LAMA4: variants seen among roughly 807,000 people sequenced by gnomAD.
LAMA4 encodes the protein laminin subunit alpha 4.
In LAMA4, 127 loss-of-function variants were observed where a neutral mutation model predicts 207.1. The observed-to-expected ratio is 0.61, with a 90% confidence interval of 0.53 to 0.71. The LOEUF (loss-of-function observed/expected upper bound fraction) is 0.71. Among genes scored for constraint, LAMA4 ranks in the 30% least tolerant of loss-of-function variants. The pLI is 0.00. For synonymous variants in LAMA4, 761 were observed against 816.0 expected, an observed-to-expected ratio of 0.93 and a Z score of 1.15; for missense variants, 2,093 against 2,246.5, an observed-to-expected ratio of 0.93 and a Z score of 1.38.
chr6:112,210,006 C>A (rs1184909622), intron 3 of LAMA4, among the ~76,000 whole-genome samples: 1 of 151,028 alleles, frequency 6.6e-6, no homozygotes, highest in Non-Finnish European at 1.5e-5. Context: ...GCACCTCCCC[C>A]TTTGTGCTCT....
chr6:112,155,055 T>C (rs942756751), intron 15 of LAMA4, 108 bp from the exon 16 acceptor site: 51 of 788,380 alleles, frequency 6.5e-5, no homozygotes, highest in Non-Finnish European at 1.1e-4. Context: ...CCAAGCAAAA[T>C]GCATTTAGCT....
intron 38 of LAMA4, among the ~76,000 whole-genome samples, chr6:112,111,947 C>T (rs6942296): frequency 0.043 from 6,478 of 152,140 alleles, 445 homozygotes; most frequent in African/African-American, 0.15. Context: ...GTAGTAAGTA[C>T]GTTGGGTGGC....
chr6:112,204,701 A>G (rs1783958104), intron 4 of LAMA4, among the ~76,000 whole-genome samples: 2 of 152,240 alleles, frequency 1.3e-5, no homozygotes, highest in African/African-American at 4.8e-5. Flanking sequence ...GAAAAAGTAT[A>G]CCAAGACGGA....
chr6:112,113,322 C>G (rs1442624849), intron 38 of LAMA4, among the ~76,000 whole-genome samples: 2 of 152,172 alleles, frequency 1.3e-5, no homozygotes, highest in East Asian at 3.9e-4. Flanking sequence ...ATTAAAAACT[C>G]CCCACCAAGT....
At chr6:112,137,252 C>T (rs567968531) in intron 24 of LAMA4, among the ~76,000 whole-genome samples, 1 of 152,198 alleles carries the variant, frequency 6.6e-6, no homozygotes, top group African/African-American at 2.4e-5. Context: ...GGCAAGGTCC[C>T]TATTCTATAG....
rs782544480 is a variant in LAMA4, at chr6:112,112,681, C to T, written c.5326+1395G>A. On this transcript the variant is annotated intron_variant, in intron 38 of 38. Transcript: ENST00000230538. ...GAGACAAAGGAGAAGAGTTGCTTTG[C>T]GAGGGTCTCAAATATTTTTTTTCAC... Among the ~76,000 whole-genome samples the T allele has an allele frequency of 1.6e-4, 25 of 152,044 alleles. 1 individual carries two copies. Among genetic ancestry groups the T allele is most frequent in the Admixed American group, 3.3e-4 (5 of 15,264 alleles).
chr6:112,250,922 T>C (rs1554189702), intron 2 of LAMA4, among the ~76,000 whole-genome samples: 2 of 152,332 alleles, frequency 1.3e-5, no homozygotes, highest in African/African-American at 4.8e-5. Context: ...GGCCTAGTTT[T>C]TCCTGCTATA....
chr6:112,180,619 T>C (rs934897406), intron 9 of LAMA4, among the ~76,000 whole-genome samples: 26 of 152,228 alleles, frequency 1.7e-4, no homozygotes, highest in African/African-American at 6.3e-4. Flanking sequence ...TTCTTGTACA[T>C]ATTTGACATA....
Position 112,109,480 on chromosome 6 carries a change from A to G in LAMA4, c.5429T>C (p.Leu1810Pro). 6.2e-7 allele frequency: 1 copy of G among 1,614,088 alleles called. No homozygotes were observed. The highest frequency in any genetic ancestry group is 8.5e-7 in the Non-Finnish European group (1 of 1,179,992). Residue 1810 changes from leucine to proline, a missense_variant, in exon 39 of 39, where the codon CTG becomes CCG. Physicochemically the swap from Leu to Pro is moderately conservative, Grantham distance 98. This residue lies in a region of LAMA4 where 383 missense variants were observed against 437.8 expected (regional missense o/e 0.87). Transcript: ENST00000230538. ...GHPVSFSKAA[L>P]VSGAVSINSC... ...GTTGATGCTTACGGCGCCGCTGACC[A>G]GGGCTGCTTTACTGAAGCTCACTGG...
At chr6:112,162,848 CAATGAGAT>C (rs545471196) in intron 13 of LAMA4, among the ~76,000 whole-genome samples, 447 of 151,510 alleles carry the variant, frequency 3.0e-3, no homozygotes, top group Middle Eastern at 0.02. Flanking sequence ...CCAAGGGAGT[CAATGAGAT>C]CAGCTAGGGA....
At chr6:112,112,372 G>A (rs1452398011) in intron 38 of LAMA4, among the ~76,000 whole-genome samples, 1 of 152,216 alleles carries the variant, frequency 6.6e-6, no homozygotes, top group Non-Finnish European at 1.5e-5. Flanking sequence ...GCAAGTCCCA[G>A]AAGGTGTGGG....
At chr6:112,181,554 A>C (rs1267389688) in intron 9 of LAMA4, among the ~76,000 whole-genome samples, 2 of 152,076 alleles carry the variant, frequency 1.3e-5, no homozygotes, top group Non-Finnish European at 2.9e-5. Context: ...CTTGCTTGGG[A>C]GTATCTGATA....
intron 3 of LAMA4, among the ~76,000 whole-genome samples, chr6:112,212,608 G>A (rs191952666): frequency 3.9e-5 from 6 of 152,262 alleles, no homozygotes; most frequent in Non-Finnish European, 7.4e-5. Context: ...CTTTGGACAC[G>A]AAACTTTCTG....
Position 112,254,063 on chromosome 6 carries a change from T to C in LAMA4, c.88A>G (p.Asn30Asp), listed in dbSNP as rs554482687. ...CCTTCAATGTCAAAAGGAAAAGCGT[T>C]GTCGTCCCCGGACGCGGCGCGGGAG... ...ACSRAASGDD[N>D]AFPFDIEGSS... Residue 30 changes from asparagine to aspartate, a missense_variant, in exon 2 of 39, where the codon AAC becomes GAC. Transcript: ENST00000230538. 2 of 1,608,994 alleles carry C rather than the reference T, an allele frequency of 1.2e-6. No individual in the cohort carries two copies. Among genetic ancestry groups the C allele is most frequent in the Admixed American group, 1.7e-5 (1 of 59,230 alleles).
rs1281075117 is a variant in LAMA4 at position 112,165,741 on chromosome 6, T to C, written c.1552-465A>G. 2.0e-5 allele frequency among the ~76,000 whole-genome samples: 3 copies of C among 152,362 alleles called. No homozygotes were observed. In the East Asian group the frequency reaches 5.8e-4, roughly 29 times the overall value. On this transcript the variant is annotated intron_variant, in intron 12 of 38. Transcript: ENST00000230538. ...AATATACAAAAATAATCTTATTATG[T>C]CCTTTTAAAAATTAAAAATGGCCCT... is the stretch of plus-strand genomic sequence containing the variant.
Position 112,214,854 on chromosome 6 carries a change from C to T in LAMA4, c.297+1514G>A, listed in dbSNP as rs369229475. ...GTCAGAGATAAAGCCATGATTGCTC[C>T]CATTCTGACAATGTCATTGTAAAAA... On this transcript the variant is annotated intron_variant, in intron 3 of 38. Transcript: ENST00000230538. Among the ~76,000 whole-genome samples the T allele has an allele frequency of 3.9e-5, 6 of 152,146 alleles. No individual in the cohort carries two copies. In the East Asian group the frequency reaches 7.7e-4, roughly 20 times the overall value.
At chr6:112,146,115 C>A (rs538756352) in intron 18 of LAMA4, among the ~76,000 whole-genome samples, 5 of 152,190 alleles carry the variant, frequency 3.3e-5, no homozygotes, top group South Asian at 2.1e-4. Flanking sequence ...CATGGCAAAA[C>A]CCCATCTCTA....
At chr6:112,130,164 C>G (rs1357682912) in intron 29 of LAMA4, 124 bp from the exon 30 acceptor site, 2 of 802,300 alleles carry the variant, frequency 2.5e-6, no homozygotes, top group Admixed American at 2.0e-5. Context: ...GAAAAGACAG[C>G]GAGTTGCCAA....
At chr6:112,198,070 T>C (rs1783523837) in intron 5 of LAMA4, among the ~76,000 whole-genome samples, 1 of 152,166 alleles carries the variant, frequency 6.6e-6, no homozygotes, top group African/African-American at 2.4e-5. Context: ...TTCCCTAGTA[T>C]GAGAGTGTGG....
Sources: allele counts gnomAD v4.1 joint callset (sites outside exome capture counted in the v4.1 genomes callset), GRCh38; gene constraint gnomAD v4.1.1; regional missense constraint gnomAD v4.1.1; transcripts MANE v1.5; gene names NCBI Gene and HGNC (gene_info 2026-07-23, HGNC 2026-07-21).